The following LTBP4 variants were observed in gnomAD, a reference collection of about 807,000 sequenced individuals.
LTBP4 encodes the protein latent transforming growth factor beta binding protein 4, also known as latent-transforming growth factor beta-binding protein 4.
In LTBP4, 93 loss-of-function variants were observed where a neutral mutation model predicts 180.2. That is an observed-to-expected ratio of 0.52 (90% CI 0.44 to 0.61). The LOEUF is 0.61. Ranked by LOEUF, LTBP4 falls within the 20% of genes least tolerant of loss-of-function variation. LTBP4 has a pLI of 0.00. For missense variants in LTBP4, 2,116 were observed against 2,256.5 expected (o/e 0.94, Z 1.26); for synonymous variants, 947 against 934.5 (o/e 1.01, Z -0.24).
chr19:40,618,076 T>A (rs917526617), intron 21 of LTBP4, among the ~76,000 whole-genome samples: 3 of 151,856 alleles, frequency 2.0e-5, no homozygotes, highest in Admixed American at 2.0e-4. Context: ...TTTTTTTTTT[T>A]ACTTTGAGGT....
intron 26 of LTBP4, among the ~76,000 whole-genome samples, chr19:40,624,920 A>G (rs1248845786): frequency 6.6e-6 from 1 of 150,652 alleles, no homozygotes; most frequent in Non-Finnish European, 1.5e-5. Flanking sequence ...CTGCCTCTGT[A>G]TCTTTGTTTT....
At chr19:40,596,199 C>T (rs1194902601) in intron 1 of LTBP4, among the ~76,000 whole-genome samples, 1 of 152,086 alleles carries the variant, frequency 6.6e-6, no homozygotes, top group Non-Finnish European at 1.5e-5. Flanking sequence ...GGATTACAGG[C>T]ATGAGCCACC....
At chr19:40,596,361 A>G (rs1029043785) in intron 1 of LTBP4, among the ~76,000 whole-genome samples, 1 of 152,132 alleles carries the variant, frequency 6.6e-6, no homozygotes, top group Non-Finnish European at 1.5e-5. Flanking sequence ...ACCTAGCCGG[A>G]ACTGGGAACT....
In LTBP4 at chr19:40,627,027, G is replaced by A. The variant is rs760319724; in HGVS notation, c.4038G>A (p.Pro1346=). The change falls in exon 28 of 30, where the codon CCG becomes CCA. Residue 1346 remains proline (P), a synonymous_variant. Coordinates refer to ENST00000396819, the MANE Select transcript of LTBP4 (RefSeq NM_001042545.2). ...NVLRPPAYSP[P]RPGGFGLPYE... ...TACGCCCCCCCGCATATAGCCCCCC[G>A]CGACCAGGTGGCTTTGGACTCCCCT... 7.5e-6 allele frequency: 12 copies of A among 1,602,848 alleles called. No individual in the cohort carries two copies. Among genetic ancestry groups the A allele is most frequent in the South Asian group, 5.5e-5 (5 of 90,326 alleles).
At position 40,627,795 on chromosome 19, in the gene LTBP4, A is replaced by T; in HGVS notation, c.4457A>T (p.Glu1486Val). ...CTNGRCVRVP[E>V]GFTCRCFDGY... ...AACGGCCGCTGCGTGCGCGTCCCCG[A>T]AGGCTTCACCTGCCGTTGCTTCGAC... The change falls in exon 29 of 30, where the codon GAA (glutamate) becomes GTA (valine). Residue 1486 changes from glutamate to valine, a missense_variant. Around this residue, in one of 5 missense-constraint regions of LTBP4, gnomAD observed 488 missense variants for 458.8 expected, o/e 1.06. Transcript: ENST00000396819. 6.4e-7 allele frequency: 1 copy of T among 1,570,916 alleles called. No homozygotes were observed. Among genetic ancestry groups the T allele is most frequent in the Non-Finnish European group, 8.6e-7 (1 of 1,162,650 alleles).
Position 40,606,515 on chromosome 19 carries a change from G to A in LTBP4, c.980G>A (p.Ser327Asn). 1 of 1,566,894 alleles carries A rather than the reference G, an allele frequency of 6.4e-7. No individual in the cohort carries two copies. ...GGCTTTCTGCTCGACTCGTCCCGCAGCAGCTGCATCTGTGAGCAACCAGCA... is the reference window on the plus strand; with the variant it reads ...GGCTTTCTGCTCGACTCGTCCCGCAACAGCTGCATCTGTGAGCAACCAGCA... ...PDGFLLDSSR[S>N]SCISQHVISE... The change falls in exon 6 of 30, where the codon AGC (serine) becomes AAC (asparagine). Residue 327 changes from serine (S) to asparagine (N), a missense_variant. By Grantham distance (46) the Ser-to-Asn change is conservative. Transcript: ENST00000396819.
Position 40,611,375 on chromosome 19 carries a change from G to A in LTBP4, c.2034G>A (p.Gly678=). 1 of 1,605,874 alleles carries A rather than the reference G, an allele frequency of 6.2e-7. No individual in the cohort carries two copies. Among genetic ancestry groups the A allele is most frequent in the Non-Finnish European group, 8.5e-7 (1 of 1,177,310 alleles). The change falls in exon 13 of 30, where the codon GGG becomes GGA. Residue 678 remains glycine (G), a synonymous_variant. Transcript: ENST00000396819. This position sits in a 1 kb window ranked among gnomAD's most constrained non-coding sequence, Gnocchi z 4.4. ...GCCCTGCTGGCTTCCGCTCCCGAGG[G>A]CCCGGGGCCCCCTGCCAAGGTGAGG... ...CACPAGFRSR[G]PGAPCQDVDE...
At position 40,605,702 on chromosome 19, in the gene LTBP4, G is replaced by C. The variant is rs1018781616; in HGVS notation, c.691-27G>C. ...GCCCGGAGCTTGCCTCCGCGCGGGG[G>C]CGCGCTCACCCAACACTTCCCCGCA... On this transcript the variant is annotated intron_variant, in intron 3 of 29. Coordinates refer to ENST00000396819, the MANE Select transcript of LTBP4 (RefSeq NM_001042545.2). The surrounding 1 kb of genome is among the most constrained non-coding windows in gnomAD (Gnocchi z 5.5). 3 of 1,547,336 alleles carry C rather than the reference G, an allele frequency of 1.9e-6. No individual in the cohort carries two copies. In the East Asian group the frequency reaches 7.3e-5, roughly 38 times the overall value.
upstream of LTBP4, chr19:40,600,000 TG>T (rs1250064461): frequency 3.7e-6 from 3 of 805,028 alleles, no homozygotes; most frequent in South Asian, 1.0e-4. Flanking sequence ...TTTCCTGGCA[TG>T]GAGGCCCTTT....
Position 40,613,963 on chromosome 19 carries a change from A to G in LTBP4, c.2605A>G (p.Thr869Ala). The change falls in exon 18 of 30, where the codon ACC becomes GCC. Residue 869 changes from threonine to alanine, a missense_variant. Physicochemically the swap from Thr to Ala is moderately conservative, Grantham distance 58 (BLOSUM62 0). Coordinates refer to ENST00000396819, the MANE Select transcript of LTBP4 (RefSeq NM_001042545.2). This position sits in a 1 kb window ranked among gnomAD's most constrained non-coding sequence, Gnocchi z 5.0. Reference protein sequence around the residue: ...EEDLCQSGICTNTDGSFECIC... With the variant: ...EEDLCQSGICANTDGSFECIC... Reference sequence around the variant, plus strand: ...GGACCTTTGCCAGAGCGGCATCTGTACCAACACCGACGGCTCCTTCGAGTG... The same window carrying G: ...GGACCTTTGCCAGAGCGGCATCTGTGCCAACACCGACGGCTCCTTCGAGTG... The G allele has an allele frequency of 1.2e-6, 2 of 1,613,180 alleles. No individual in the cohort carries two copies. The highest frequency in any genetic ancestry group is 1.7e-6 in the Non-Finnish European group (2 of 1,179,668).
chr19:40,614,084 C>G lies in LTBP4; in HGVS notation c.2680+46C>G, dbSNP rs958781960. ...CTGATCCCTCCTCCCTTCGACTCCCCGACTCGCCGATTGGCCTCCCACCTC... is the reference window on the plus strand; with the variant it reads ...CTGATCCCTCCTCCCTTCGACTCCCGGACTCGCCGATTGGCCTCCCACCTC... On this transcript the variant is annotated intron_variant, in intron 18 of 29. Transcript: ENST00000396819. 1.9e-6 allele frequency: 3 copies of G among 1,602,664 alleles called. No homozygotes were observed. The African/African-American group carries it at 4.0e-5, about 21-fold the overall frequency.
At chr19:40,596,646 T>G (rs2081392002), upstream of LTBP4, among the ~76,000 whole-genome samples, 1 of 152,032 alleles carries the variant, frequency 6.6e-6, no homozygotes, top group Non-Finnish European at 1.5e-5. Context: ...GATCAATTCT[T>G]TGAGAAGATC....
Position 40,608,325 on chromosome 19 carries a change from T to C in LTBP4, c.1262T>C (p.Leu421Pro). The change falls in exon 8 of 30, where the codon CTC becomes CCC. Residue 421 changes from leucine (L) to proline (P), a missense_variant. Leu to Pro is a moderately conservative substitution (Grantham distance 98, BLOSUM62 -3). Transcript: ENST00000396819. The part of the protein sequence containing the change: ...PLGQEPPRVS[L>P]SQPRTLPATS... ...GGCCAGGAGCCACCCCGAGTGTCAC[T>C]CAGCCAGCCTCGTACCCTGCCAGCC... 6.2e-7 allele frequency: 1 copy of C among 1,613,612 alleles called. No individual in the cohort carries two copies. Among genetic ancestry groups the C allele is most frequent in the Non-Finnish European group, 8.5e-7 (1 of 1,179,818 alleles).
chr19:40,605,565 G>T lies in LTBP4; in HGVS notation c.603G>T (p.Thr201=), dbSNP rs751563992. Residue 201 remains threonine, a synonymous_variant, in exon 3 of 30, where the codon ACG becomes ACT. Coordinates refer to ENST00000396819, the MANE Select transcript of LTBP4 (RefSeq NM_001042545.2). This position sits in a 1 kb window ranked among gnomAD's most constrained non-coding sequence, Gnocchi z 5.5. ...GGGCGGAGGCGGCAGCGCCCTACAC[G>T]GTGTTGGCACAGAGCGCGCCGCGGG... ...AARAEAAAPY[T]VLAQSAPRED... 1.2e-6 allele frequency: 2 copies of T among 1,605,878 alleles called. No individual in the cohort carries two copies. The highest frequency in any genetic ancestry group is 8.5e-7 in the Non-Finnish European group (1 of 1,177,054).
chr19:40,597,252 C>T (rs762758215), upstream of LTBP4: 7 of 1,507,662 alleles, frequency 4.6e-6, no homozygotes, highest in Admixed American at 6.1e-5. Flanking sequence ...GGCCTGGCAC[C>T]AGCGGCCGCC....
intron 29 of LTBP4, among the ~76,000 whole-genome samples, chr19:40,628,269 A>G (rs2162857): frequency 0.49 from 74,559 of 152,072 alleles, 20,300 homozygotes; most frequent in African/African-American, 0.74. Context: ...AGCCGGGCGC[A>G]GTGGCTCACG....
Position 40,607,413 on chromosome 19 carries a change from G to C in LTBP4, c.1040G>C (p.Arg347Pro). Residue 347 changes from arginine (R) to proline (P), a missense_variant, in exon 7 of 30, where the codon CGC (arginine) becomes CCC (proline). By Grantham distance (103) the Arg-to-Pro change is moderately radical. This residue lies in a region of LTBP4 where 469 missense variants were observed against 532.5 expected (regional missense o/e 0.88). Transcript: ENST00000396819. Reference protein sequence around the residue: ...EAKGPCFRVLRDGGCSLPILR... With the variant: ...EAKGPCFRVLPDGGCSLPILR... ...AAAGGGCCCTGCTTCCGCGTGCTCCGCGACGGCGGCTGTTCGCTGCCCATT... is the reference window on the plus strand; with the variant it reads ...AAAGGGCCCTGCTTCCGCGTGCTCCCCGACGGCGGCTGTTCGCTGCCCATT... 1 of 1,613,086 alleles carries C rather than the reference G, an allele frequency of 6.2e-7. No individual in the cohort carries two copies. The highest frequency in any genetic ancestry group is 1.3e-5 in the African/African-American group (1 of 75,042).
intron 26 of LTBP4, among the ~76,000 whole-genome samples, chr19:40,625,255 TATATATATA>T (rs2081616577): frequency 2.1e-3 from 4 of 1,912 alleles, no homozygotes; most frequent in Admixed American, 0.013. Flanking sequence ...TTTGTATTTA[TATATATATA>T]TATATATATA....
At chr19:40,598,208 C>T (rs1364182278), upstream of LTBP4, among the ~76,000 whole-genome samples, 3 of 151,904 alleles carry the variant, frequency 2.0e-5, no homozygotes, top group Non-Finnish European at 4.4e-5. Context: ...TTTAGTAACC[C>T]GAGCCGCGGC....
Sources: allele counts gnomAD v4.1 joint callset (sites outside exome capture counted in the v4.1 genomes callset), GRCh38; gene constraint gnomAD v4.1.1; regional missense constraint gnomAD v4.1.1; non-coding constraint Gnocchi (gnomAD v3.1); transcripts MANE v1.5; gene names NCBI Gene and HGNC (gene_info 2026-07-23, HGNC 2026-07-21).